Variants in DUSP3 observed in about 807,000 individuals in gnomAD.
DUSP3 encodes the protein dual specificity phosphatase 3.
Under a neutral mutation model 15.5 loss-of-function variants are expected in DUSP3, and 7 were observed. The ratio of observed to expected loss-of-function variants is 0.45; its 90% confidence interval spans 0.26 to 0.85. The LOEUF is 0.85. Ranked by LOEUF, DUSP3 falls within the 40% of genes least tolerant of loss-of-function variation. The pLI is 0.18. For missense variants in DUSP3, 209 were observed against 251.7 expected (o/e 0.83, Z 1.15); for synonymous variants, 86 against 104.2 (o/e 0.83, Z 1.07).
intron 2 of DUSP3, among the ~76,000 whole-genome samples, chr17:43,770,982 G>A (rs529904295): frequency 2.2e-5 from 2 of 92,974 alleles, no homozygotes; most frequent in East Asian, 5.5e-4. Flanking sequence ...GTGTGTGCGT[G>A]TATATATATG....
rs1319014683 is a variant in DUSP3 at position 43,768,956 on chromosome 17, C to T, written c.*653G>A. ...AACTCTATGGATTTAGGAGGGTTCT[C>T]CAGGTTTGCCCACAAGGCCTCTTTG... On this transcript the variant is annotated 3_prime_UTR_variant, in exon 3 of 3. Transcript: ENST00000226004. The T allele has an allele frequency of 6.6e-6, 1 of 152,250 alleles. No individual in the cohort carries two copies. The highest frequency in any genetic ancestry group is 1.9e-4 in the East Asian group (1 of 5,196). 9.4% of individuals were successfully genotyped at this position (152,250 alleles called of 1,614,324 possible). A position where few individuals can be genotyped will look rare whatever the true frequency, so the allele number is the denominator to read the frequency against.
intron 1 of DUSP3, chr17:43,777,702 A>C (rs1028545025): frequency 4.3e-5 from 16 of 370,602 alleles, no homozygotes; most frequent in Non-Finnish European, 7.0e-5. Flanking sequence ...TGAAAATCCA[A>C]CTTGAGGCTT....
rs1215584635 is a variant in DUSP3, at chr17:43,768,974, C to A, written c.*635G>T. 6.6e-6 allele frequency: 1 copy of A among 152,382 alleles called. No individual in the cohort carries two copies. Among genetic ancestry groups the A allele is most frequent in the African/African-American group, 2.4e-5 (1 of 41,448 alleles). 9.4% of individuals were successfully genotyped at this position (152,382 alleles called of 1,614,324 possible). A position where few individuals can be genotyped will look rare whatever the true frequency, so the allele number is the denominator to read the frequency against. On this transcript the variant is annotated 3_prime_UTR_variant, in exon 3 of 3. Coordinates refer to ENST00000226004, the MANE Select transcript of DUSP3 (RefSeq NM_004090.4). Reference sequence around the variant, plus strand: ...GGGTTCTCCAGGTTTGCCCACAAGGCCTCTTTGTGTAGGGACCATTCATCC... The same window carrying A: ...GGGTTCTCCAGGTTTGCCCACAAGGACTCTTTGTGTAGGGACCATTCATCC...
rs775720255 is a variant in DUSP3 at position 43,769,703 on chromosome 17, C to T, written c.464G>A (p.Arg155Lys). ...MDVKSALSIV[R>K]QNREIGPNDG... ...GTTGGGGCCGATCTCACGGTTCTGC[C>T]TCACGATGCTCAGGGCAGACTTGAC... The change falls in exon 3 of 3, where the codon AGG becomes AAG. Residue 155 changes from arginine to lysine, a missense_variant. Physicochemically the swap from Arg to Lys is conservative, Grantham distance 26 (BLOSUM62 2). Transcript: ENST00000226004. 2 of 1,613,916 alleles carry T rather than the reference C, an allele frequency of 1.2e-6. No homozygotes were observed. Among genetic ancestry groups the T allele is most frequent in the South Asian group, 1.1e-5 (1 of 91,070 alleles).
chr17:43,772,673 A>G (rs1974333953), intron 2 of DUSP3, among the ~76,000 whole-genome samples: 1 of 152,154 alleles, frequency 6.6e-6, no homozygotes, highest in South Asian at 2.1e-4. Context: ...ATTCTTCATC[A>G]CTTGCTCATT....
intron 2 of DUSP3, 88 bp downstream of exon 2, chr17:43,774,624 T>G (rs28725212): frequency 3.1e-5 from 44 of 1,409,072 alleles, no homozygotes; most frequent in Non-Finnish European, 4.4e-5. Flanking sequence ...AGGGAGTTTC[T>G]AAGAAGAGAC....
chr17:43,773,963 G>A (rs1460719726), intron 2 of DUSP3: 1 of 180,508 alleles, frequency 5.5e-6, no homozygotes, highest in Non-Finnish European at 1.2e-5. Flanking sequence ...GCCAGGCGTG[G>A]GGGCGCATGC....
chr17:43,770,854 G>T (rs1974308369), intron 2 of DUSP3, among the ~76,000 whole-genome samples: 1 of 150,964 alleles, frequency 6.6e-6, no homozygotes, highest in Non-Finnish European at 1.5e-5. Flanking sequence ...CGCCTCCCGG[G>T]TTCAAGCAAT....
rs763382356 is a variant in DUSP3 at position 43,769,608 on chromosome 17, C to T, written c.*1G>A. ...TCTCGAGCAGAGGTGGTGGGGGTGC[C>T]CTAGGGTTTCAACTTCCCCTCCTTG... On this transcript the variant is annotated 3_prime_UTR_variant, in exon 3 of 3. Coordinates refer to ENST00000226004, the MANE Select transcript of DUSP3 (RefSeq NM_004090.4). The T allele has an allele frequency of 6.8e-6, 11 of 1,611,024 alleles. No homozygotes were observed. In the African/African-American group the frequency reaches 1.2e-4, roughly 18 times the overall value.
At position 43,767,905 on chromosome 17, in the gene DUSP3, C is replaced by T. The variant is rs1974260870; in HGVS notation, c.*1704G>A. The T allele has an allele frequency of 1.3e-5, 2 of 152,210 alleles. No individual in the cohort carries two copies. The highest frequency in any genetic ancestry group is 2.9e-5 in the Non-Finnish European group (2 of 68,028). 9.4% of individuals were successfully genotyped at this position (152,210 alleles called of 1,614,324 possible). A position where few individuals can be genotyped will look rare whatever the true frequency, so the allele number is the denominator to read the frequency against. On this transcript the variant is annotated 3_prime_UTR_variant, in exon 3 of 3. Transcript: ENST00000226004. ...AGGCCTTACGCCACACCTGCCTCTC[C>T]GTGTCCCAGCCAGGAGCTCCTGGCC...
chr17:43,777,505 T>C (rs1461516169), intron 1 of DUSP3: 1 of 455,988 alleles, frequency 2.2e-6, no homozygotes. Context: ...CAGCAGGTCA[T>C]AGCGGAGGTC....
chr17:43,774,985 C>A (rs1181101484), intron 1 of DUSP3, 47 bp from the exon 2 acceptor site: 1 of 1,584,758 alleles, frequency 6.3e-7, no homozygotes, highest in Admixed American at 1.7e-5. Flanking sequence ...CAAATGGCAG[C>A]CCCAGGGGGA....
At position 43,767,218 on chromosome 17, in the gene DUSP3, T is replaced by C. The variant is rs1291258546; in HGVS notation, c.*2391A>G. ...CACCAACCTGCTGTGTTCGCGTAAG[T>C]AGCTGTGCCTGTCCCATGGGGTGAC... On this transcript the variant is annotated 3_prime_UTR_variant, in exon 3 of 3. Transcript: ENST00000226004. 6.6e-6 allele frequency: 1 copy of C among 152,606 alleles called. No individual in the cohort carries two copies. The highest frequency in any genetic ancestry group is 2.4e-5 in the African/African-American group (1 of 41,430). 9.5% of individuals were successfully genotyped at this position (152,606 alleles called of 1,614,324 possible).
At chr17:43,775,809 A>G (rs1323386186) in intron 1 of DUSP3, among the ~76,000 whole-genome samples, 1 of 152,082 alleles carries the variant, frequency 6.6e-6, no homozygotes, top group Non-Finnish European at 1.5e-5. Context: ...GAACTATGGG[A>G]GGTTACAAAA....
intron 2 of DUSP3, among the ~76,000 whole-genome samples, chr17:43,772,186 A>G (rs2154590641): frequency 6.6e-6 from 1 of 152,308 alleles, no homozygotes; most frequent in East Asian, 1.9e-4. Flanking sequence ...CCAGAGTCCA[A>G]CAGAGTCTCT....
In DUSP3 at chr17:43,778,691, T is replaced by A. The variant is rs994036989; in HGVS notation, c.125+109A>T. On this transcript the variant is annotated intron_variant, in intron 1 of 2. Coordinates refer to ENST00000226004, the MANE Select transcript of DUSP3 (RefSeq NM_004090.4). ...CCCGCTGTGGCTCCCGGAGGGGCCA[T>A]CGCGCCCGGGCTCCCCCAACCCAAG... 5 of 1,324,426 alleles carry A rather than the reference T, an allele frequency of 3.8e-6. No individual in the cohort carries two copies. In the African/African-American group the frequency reaches 7.8e-5, roughly 21 times the overall value. 82.0% of individuals were successfully genotyped at this position (1,324,426 alleles called of 1,614,324 possible). A position where few individuals can be genotyped will look rare whatever the true frequency, so the allele number is the denominator to read the frequency against.
intron 1 of DUSP3, among the ~76,000 whole-genome samples, chr17:43,778,496 C>G (rs1157120367): frequency 6.6e-6 from 1 of 152,170 alleles, no homozygotes; most frequent in Non-Finnish European, 1.5e-5. Context: ...ATGGTAGCCC[C>G]GACCCCGCCC....
At chr17:43,778,665 C>T (rs1974423465) in intron 1 of DUSP3, 135 bp downstream of exon 1, 1 of 1,230,046 alleles carries the variant, frequency 8.1e-7, no homozygotes, top group Non-Finnish European at 1.1e-6. Context: ...CCTCCCAAGC[C>T]CCCGCTGTGG....
chr17:43,775,225 C>G (rs923773936), intron 1 of DUSP3, among the ~76,000 whole-genome samples: 21 of 152,134 alleles, frequency 1.4e-4, no homozygotes, highest in African/African-American at 5.1e-4. Flanking sequence ...ATCTTTCACA[C>G]CCTCCGCAGT....
Sources: gnomAD v4.1 joint callset for allele counts (sites outside exome capture counted in the v4.1 genomes callset) on GRCh38, gnomAD v4.1.1 for gene constraint, MANE v1.5 for transcripts, NCBI Gene and HGNC (gene_info 2026-07-23, HGNC 2026-07-21) for gene names.